Variants in KDM4A observed in about 807,000 individuals in gnomAD.
The protein encoded by KDM4A is lysine demethylase 4A, also known as lysine-specific demethylase 4A.
In KDM4A, 23 loss-of-function variants were observed where a neutral mutation model predicts 127.1. That is an observed-to-expected ratio of 0.18 (90% CI 0.13 to 0.26). The LOEUF (loss-of-function observed/expected upper bound fraction) is 0.26, where lower values mean the gene tolerates loss of function less well. Ranked by LOEUF, KDM4A falls within the 10% of genes least tolerant of loss-of-function variation. KDM4A has a pLI of 1.00. For missense variants in KDM4A, 890 were observed against 1,329.1 expected, an observed-to-expected ratio of 0.67 and a Z score of 5.14; for synonymous variants, 443 against 466.5, an observed-to-expected ratio of 0.95 and a Z score of 0.65.
intron 11 of KDM4A, among the ~76,000 whole-genome samples, chr1:43,673,736 A>G (rs1230701308): frequency 6.6e-6 from 1 of 151,880 alleles, no homozygotes; most frequent in Non-Finnish European, 1.5e-5. Flanking sequence ...CAGCCTGGAA[A>G]CCAGAGTCTC....
rs1660625048 is a variant in KDM4A at position 43,671,801 on chromosome 1, G to T, written c.1660G>T (p.Val554Phe). 1.9e-6 allele frequency: 3 copies of T among 1,610,088 alleles called. No homozygotes were observed. The highest frequency in any genetic ancestry group is 1.7e-6 in the Non-Finnish European group (2 of 1,177,804). Residue 554 changes from valine (V) to phenylalanine (F), a missense_variant, in exon 11 of 22, where the codon GTC becomes TTC. Val to Phe is a conservative substitution (Grantham distance 50). Around this residue, in one of 7 missense-constraint regions of KDM4A, gnomAD observed 389 missense variants for 485.9 expected, o/e 0.80. Coordinates refer to ENST00000372396, the MANE Select transcript of KDM4A (RefSeq NM_014663.3). ...VHSYAKGDGR[V>F]TVGEPCTRKK... ...CAGTTATGCCAAAGGGGATGGCAGG[G>T]TCACTGTGGGAGAGCCATGCACGAG... is the stretch of plus-strand genomic sequence containing the variant.
chr1:43,671,437 T>TTTG, intron 10 of KDM4A, 68 bp from the exon 11 acceptor site: 1 of 1,478,918 alleles, frequency 6.8e-7, no homozygotes. Flanking sequence ...TGCTTTGCCC[T>TTTG]CTGCCTTTCA....
intron 9 of KDM4A, among the ~76,000 whole-genome samples, chr1:43,668,889 G>A (rs1660558708): frequency 6.6e-6 from 1 of 152,218 alleles, no homozygotes; most frequent in African/African-American, 2.4e-5. Flanking sequence ...TGTTAGGTGG[G>A]TGGTAATACC....
rs891603749 is a variant in KDM4A at position 43,693,270 on chromosome 1, TA to T, written c.2376-719del. 6.6e-6 allele frequency among the ~76,000 whole-genome samples: 1 copy of T among 152,210 alleles called. No homozygotes were observed. The highest frequency in any genetic ancestry group is 1.5e-5 in the Non-Finnish European group (1 of 68,020). ...ACACAGAACAAATCTGTTCCCACTCTAAAAAGACAGCCCCACTAGAACTGCA... is the reference window on the plus strand; with the variant it reads ...ACACAGAACAAATCTGTTCCCACTCTAAAAGACAGCCCCACTAGAACTGCA... On this transcript the variant is annotated intron_variant, in intron 16 of 21. Coordinates refer to ENST00000372396, the MANE Select transcript of KDM4A (RefSeq NM_014663.3). The surrounding 1 kb of genome is among the most constrained non-coding windows in gnomAD (Gnocchi z 4.2).
chr1:43,699,932 T>C (rs949057509), intron 19 of KDM4A: 25 of 152,096 alleles, frequency 1.6e-4, no homozygotes, highest in African/African-American at 5.5e-4. Context: ...GGTTTCACCA[T>C]GTTAGCCAGG....
intron 5 of KDM4A, among the ~76,000 whole-genome samples, chr1:43,663,846 C>T (rs1361660172): frequency 6.6e-6 from 1 of 151,902 alleles, no homozygotes; most frequent in Non-Finnish European, 1.5e-5. Context: ...GTTGCACAGG[C>T]TGGTCTCAAA....
chr1:43,682,941 C>T (rs989068833), intron 11 of KDM4A, among the ~76,000 whole-genome samples: 12 of 152,316 alleles, frequency 7.9e-5, no homozygotes, highest in African/African-American at 1.9e-4. Context: ...GTTTTAAATA[C>T]GTTGATTAGA....
rs1250108291 is a variant in KDM4A at position 43,654,725 on chromosome 1, GTGTGTGTGTGTGTGT to G, written c.139-862_139-848del. ...TGAGTGTGTGTGTGTGTGTGTGTGT[GTGTGTGTGTGTGTGT>G]TGTTTTCTCCCTTGTTACATAAAGT... On this transcript the variant is annotated intron_variant, in intron 2 of 21. Coordinates refer to ENST00000372396, the MANE Select transcript of KDM4A (RefSeq NM_014663.3). 2.5e-3 allele frequency among the ~76,000 whole-genome samples: 331 copies of G among 134,134 alleles called. 1 individual carries two copies. Among genetic ancestry groups the G allele is most frequent in the Middle Eastern group, 4.4e-3 (1 of 228 alleles). The allele number at this position is 134,134 out of a possible 152,430, so 88.0% of individuals were successfully genotyped here.
intron 6 of KDM4A, 49 bp downstream of exon 6, chr1:43,665,794 C>T: frequency 6.3e-7 from 1 of 1,586,848 alleles, no homozygotes; most frequent in Non-Finnish European, 8.7e-7. Context: ...ATGAGCTGTG[C>T]TCCTTGCTCT....
intron 5 of KDM4A, among the ~76,000 whole-genome samples, chr1:43,665,433 G>A (rs535960700): frequency 6.6e-6 from 1 of 151,822 alleles, no homozygotes; most frequent in East Asian, 1.9e-4. Flanking sequence ...ATTATGTACC[G>A]TAAATCCTGG....
At position 43,653,276 on chromosome 1, in the gene KDM4A, T is replaced by C. The variant is rs141051461; in HGVS notation, c.101T>C (p.Ile34Thr). The C allele has an allele frequency of 7.4e-6, 12 of 1,613,514 alleles. No homozygotes were observed. The highest frequency in any genetic ancestry group is 3.3e-4 in the Middle Eastern group (2 of 6,084). ...FRNFSRYIAY[I>T]ESQGAHRAGL... is the part of the protein sequence containing the mutation. ...AACTTCAGTAGATACATTGCCTACATTGAATCCCAAGGAGCTCATCGGGCA... is the reference window on the plus strand; with the variant it reads ...AACTTCAGTAGATACATTGCCTACACTGAATCCCAAGGAGCTCATCGGGCA... The change falls in exon 2 of 22, where the codon ATT (isoleucine) becomes ACT (threonine). Residue 34 changes from isoleucine to threonine, a missense_variant. Physicochemically the swap from Ile to Thr is moderately conservative, Grantham distance 89 (BLOSUM62 -1). Coordinates refer to ENST00000372396, the MANE Select transcript of KDM4A (RefSeq NM_014663.3).
At chr1:43,663,588 C>CCT (rs1017726786) in intron 5 of KDM4A, among the ~76,000 whole-genome samples, 8 of 152,006 alleles carry the variant, frequency 5.3e-5, no homozygotes, top group Non-Finnish European at 7.4e-5. Flanking sequence ...GGTTCTCTCT[C>CCT]CTCTCTCTGT....
rs1661501579 is a variant in KDM4A at position 43,704,624 on chromosome 1, C to T, written c.*254C>T. On this transcript the variant is annotated 3_prime_UTR_variant, in exon 22 of 22. Transcript: ENST00000372396. The stretch of plus-strand genomic sequence containing the variant: ...GCTGAGCACTGGAATGCTGTGGCTG[C>T]ACTGGCCCCAGTCCATAGAGGGGTC... 4.1e-6 allele frequency: 2 copies of T among 485,826 alleles called. No individual in the cohort carries two copies. Among genetic ancestry groups the T allele is most frequent in the African/African-American group, 1.9e-5 (1 of 51,354 alleles). The allele number at this position is 485,826 out of a possible 1,614,324, so 30.1% of individuals were successfully genotyped here.
chr1:43,666,611 T>C, intron 7 of KDM4A, 56 bp downstream of exon 7: 2 of 1,400,574 alleles, frequency 1.4e-6, no homozygotes, highest in Non-Finnish European at 2.0e-6. Context: ...GGCCTTTGTT[T>C]TACAGTTTTA....
At position 43,693,292 on chromosome 1, in the gene KDM4A, C is replaced by T. The variant is rs965642749; in HGVS notation, c.2376-702C>T. On this transcript the variant is annotated intron_variant, in intron 16 of 21. Transcript: ENST00000372396. This position sits in a 1 kb window ranked among gnomAD's most constrained non-coding sequence, Gnocchi z 4.2. The stretch of plus-strand genomic sequence containing the variant: ...CTCTAAAAAGACAGCCCCACTAGAA[C>T]TGCAGAGAGCTTCCATGGAGCCCCA... Among the ~76,000 whole-genome samples the T allele has an allele frequency of 6.6e-6, 1 of 152,262 alleles. No homozygotes were observed. The highest frequency in any genetic ancestry group is 1.5e-5 in the Non-Finnish European group (1 of 68,042).
At chr1:43,685,175 G>A (rs1379221720) in intron 12 of KDM4A, among the ~76,000 whole-genome samples, 1 of 152,158 alleles carries the variant, frequency 6.6e-6, no homozygotes, top group Non-Finnish European at 1.5e-5. Context: ...AGGAGGCAGA[G>A]AAGCAGGGTA....
chr1:43,677,493 G>A (rs1292161861), intron 11 of KDM4A, among the ~76,000 whole-genome samples: 1 of 152,110 alleles, frequency 6.6e-6, no homozygotes, highest in Admixed American at 6.6e-5. Context: ...CTGTTTTACA[G>A]TTGATTGGTT....
chr1:43,669,579 CAGAG>C (rs1205412151), intron 10 of KDM4A, among the ~76,000 whole-genome samples: 2 of 150,876 alleles, frequency 1.3e-5, no homozygotes, highest in Non-Finnish European at 2.9e-5. Flanking sequence ...CCCAGGCGGA[CAGAG>C]AGAGAGGAGG....
chr1:43,664,758 T>C (rs1011282464), intron 5 of KDM4A, among the ~76,000 whole-genome samples: 4 of 152,216 alleles, frequency 2.6e-5, no homozygotes, highest in African/African-American at 7.2e-5. Flanking sequence ...TTCACCATTG[T>C]TTACTCCAAA....
Sources: allele counts gnomAD v4.1 joint callset (sites outside exome capture counted in the v4.1 genomes callset), GRCh38; gene constraint gnomAD v4.1.1; regional missense constraint gnomAD v4.1.1; non-coding constraint Gnocchi (gnomAD v3.1); transcripts MANE v1.5; gene names NCBI Gene and HGNC (gene_info 2026-07-23, HGNC 2026-07-21).